The following C2CD2 variants were observed in gnomAD, a reference collection of about 807,000 sequenced individuals.
The protein encoded by C2CD2 is C2 domain-containing protein 2.
Under a neutral mutation model 74.3 loss-of-function variants are expected in C2CD2, and 43 were observed. The observed-to-expected ratio is 0.58, with a 90% CI of 0.45 to 0.75. The LOEUF is 0.75. Ranked by LOEUF, C2CD2 falls within the 30% of genes least tolerant of loss-of-function variation. C2CD2 has a pLI of 0.00. For synonymous variants in C2CD2, 422 were observed against 390.7 expected (o/e 1.08, Z -0.94); for missense variants, 801 against 916.3 (o/e 0.87, Z 1.63).
Position 41,932,472 on chromosome 21 carries a change from C to T in C2CD2, c.378+9675G>A, listed in dbSNP as rs987774915. ...GATAGTCAGAAGAACGGGGGCAACC[C>T]GGAGCTTACGCCTGGTGTCTGAAGT... On this transcript the variant is annotated intron_variant, in intron 2 of 13. Transcript: ENST00000380486. Among the ~76,000 whole-genome samples the T allele has an allele frequency of 1.9e-4, 29 of 150,676 alleles. 1 individual carries two copies. Among genetic ancestry groups the T allele is most frequent in the African/African-American group, 4.1e-4 (17 of 41,460 alleles).
Position 41,926,324 on chromosome 21 carries a change from T to C in C2CD2, c.379-4239A>G. 1 of 291,820 alleles carries C rather than the reference T, an allele frequency of 3.4e-6. No homozygotes were observed. The highest frequency in any genetic ancestry group is 5.1e-6 in the Non-Finnish European group (1 of 195,752). 18.1% of individuals were successfully genotyped at this position (291,820 alleles called of 1,614,324 possible). ...ATAAACAGCTTCCTCTCTGTATAAG[T>C]GACAGAGTGTTTTTCGGAGTGGGGG... On this transcript the variant is annotated intron_variant, in intron 2 of 13. Transcript: ENST00000380486. This position sits in a 1 kb window ranked among gnomAD's most constrained non-coding sequence, Gnocchi z 8.0.
rs1483610689 is a variant in C2CD2, at chr21:41,936,473, C to T, written c.378+5674G>A. 2.6e-5 allele frequency among the ~76,000 whole-genome samples: 4 copies of T among 152,134 alleles called. No individual in the cohort carries two copies. The East Asian group carries it at 7.7e-4, about 29-fold the overall frequency. ...TGGTAAGGATGTGGAGAAAAGGGAACCCTTGTATGCTGTTGGTGACAATGT... is the reference window on the plus strand; with the variant it reads ...TGGTAAGGATGTGGAGAAAAGGGAATCCTTGTATGCTGTTGGTGACAATGT... On this transcript the variant is annotated intron_variant, in intron 2 of 13. Coordinates refer to ENST00000380486, the MANE Select transcript of C2CD2 (RefSeq NM_015500.2).
chr21:41,912,430 A>G lies in C2CD2; in HGVS notation c.855T>C (p.Asn285=), dbSNP rs1213994614. The stretch of plus-strand genomic sequence containing the variant: ...CGTTCAGCTGCACGACGCACACTGC[A>G]TTAATGTGGCCTGTAATTAAATAGA... ...LSEPGASGHI[N]AVCVVQLNDP... Residue 285 remains asparagine (N), a synonymous_variant, in exon 7 of 14, where the codon AAT becomes AAC. Transcript: ENST00000380486. The G allele has an allele frequency of 4.4e-6, 7 of 1,602,868 alleles. No individual in the cohort carries two copies. Among genetic ancestry groups the G allele is most frequent in the African/African-American group, 1.3e-5 (1 of 74,408 alleles).
chr21:41,907,303 C>A (rs2064974803), intron 9 of C2CD2, 137 bp from the exon 10 acceptor site: 1 of 723,254 alleles, frequency 1.4e-6, no homozygotes, highest in Admixed American at 2.4e-5. Context: ...CTCCAATTAA[C>A]CTGGATATTC....
At position 41,889,039 on chromosome 21, in the gene C2CD2, A is replaced by G; in HGVS notation, c.*85T>C. 4 of 972,486 alleles carry G rather than the reference A, an allele frequency of 4.1e-6. No homozygotes were observed. In the Admixed American group the frequency reaches 7.7e-5, roughly 19 times the overall value. The allele number at this position is 972,486 out of a possible 1,614,324, so 60.2% of individuals were successfully genotyped here. ...AGCAAGACAAGCGGGGCATCTGGAC[A>G]TCCGGCGGACACACTGGCTGCGTCC... On this transcript the variant is annotated 3_prime_UTR_variant, in exon 14 of 14. Coordinates refer to ENST00000380486, the MANE Select transcript of C2CD2 (RefSeq NM_015500.2).
At chr21:41,919,137 C>G in intron 3 of C2CD2, 177 bp from the exon 4 acceptor site, 1 of 606,596 alleles carries the variant, frequency 1.6e-6, no homozygotes, top group Admixed American at 2.7e-5. Context: ...TGCATATGAG[C>G]ATGTGTGCTC....
At chr21:41,915,884 G>C (rs1012847332) in intron 5 of C2CD2, among the ~76,000 whole-genome samples, 2 of 152,148 alleles carry the variant, frequency 1.3e-5, no homozygotes, top group Admixed American at 1.3e-4. Flanking sequence ...AGCATTCAGG[G>C]ACCCAGACGG....
chr21:41,947,559 A>G (rs1170273248), intron 1 of C2CD2, among the ~76,000 whole-genome samples: 1 of 152,230 alleles, frequency 6.6e-6, no homozygotes, highest in African/African-American at 2.4e-5. Flanking sequence ...AGCTGTGGTT[A>G]TGCAAGGTTG....
chr21:41,922,089 G>T lies in C2CD2; in HGVS notation c.379-4C>A, dbSNP rs1427003274. 3 of 1,581,384 alleles carry T rather than the reference G, an allele frequency of 1.9e-6. No individual in the cohort carries two copies. Among genetic ancestry groups the T allele is most frequent in the Non-Finnish European group, 2.6e-6 (3 of 1,150,364 alleles). On this transcript the variant is annotated splice_polypyrimidine_tract_variant and splice_region_variant and intron_variant, in intron 2 of 13. Coordinates refer to ENST00000380486, the MANE Select transcript of C2CD2 (RefSeq NM_015500.2). ...CCACCACGTGACAGACCACCACCTG[G>T]AGGAGGCACAGGTAAGGGAGAAAAC...
rs369422328 is a variant in C2CD2, at chr21:41,944,521, C to CAAAA, written c.280-2280_280-2277dup. On this transcript the variant is annotated intron_variant, in intron 1 of 13. Transcript: ENST00000380486. ...TGGGCGACAGAGCGAGACTCTGCCT[C>CAAAA]AAAAAAAAAAAAAAAAAAAAAGAAA... 1.4e-3 allele frequency among the ~76,000 whole-genome samples: 136 copies of CAAAA among 97,800 alleles called. 1 individual carries two copies. The highest frequency in any genetic ancestry group is 1.9e-3 in the South Asian group (5 of 2,622). The allele number at this position is 97,800 out of a possible 152,430, so 64.2% of individuals were successfully genotyped here. A position where few individuals can be genotyped will look rare whatever the true frequency, so the allele number is the denominator to read the frequency against.
At chr21:41,897,324 G>A (rs536038576) in intron 13 of C2CD2, among the ~76,000 whole-genome samples, 19 of 152,256 alleles carry the variant, frequency 1.2e-4, no homozygotes, top group South Asian at 1.0e-3. Context: ...AAGAGGAAAC[G>A]GGCCATCCAG....
rs1334701871 is a variant in C2CD2, at chr21:41,886,141, AC to A, written c.*2982del. 1 of 152,226 alleles carries A rather than the reference AC, an allele frequency of 6.6e-6. No homozygotes were observed. Among genetic ancestry groups the A allele is most frequent in the Non-Finnish European group, 1.5e-5 (1 of 68,042 alleles). 9.4% of individuals were successfully genotyped at this position (152,226 alleles called of 1,614,324 possible). On this transcript the variant is annotated 3_prime_UTR_variant, in exon 14 of 14. Transcript: ENST00000380486. Reference sequence around the variant, plus strand: ...CAAGCTCATTAAAACCAACATGAGCACCCAGTTCCAGAGATACAGACACAAT... The same window carrying A: ...CAAGCTCATTAAAACCAACATGAGCACCAGTTCCAGAGATACAGACACAAT...
chr21:41,936,844 C>A (rs1269825478), intron 2 of C2CD2, among the ~76,000 whole-genome samples: 1 of 124,436 alleles, frequency 8.0e-6, no homozygotes, highest in African/African-American at 3.2e-5. Flanking sequence ...TTTTGAGACG[C>A]AGTCTTGCTC....
Position 41,929,067 on chromosome 21 carries a change from T to A in C2CD2, c.379-6982A>T, listed in dbSNP as rs1395663340. The stretch of plus-strand genomic sequence containing the variant: ...GAGTTTAAAATGAGCCTGGGCAATA[T>A]AGTGAGATCCCACCTCTAAAAAATA... On this transcript the variant is annotated intron_variant, in intron 2 of 13. Transcript: ENST00000380486. The surrounding 1 kb of genome is among the most constrained non-coding windows in gnomAD (Gnocchi z 4.6). 6.6e-6 allele frequency among the ~76,000 whole-genome samples: 1 copy of A among 150,556 alleles called. No homozygotes were observed.
intron 2 of C2CD2, among the ~76,000 whole-genome samples, chr21:41,936,907 C>T (rs537815272): frequency 6.6e-6 from 1 of 150,664 alleles, no homozygotes; most frequent in African/African-American, 2.5e-5. Flanking sequence ...CAACATCCAC[C>T]TCCTGGGTTC....
intron 7 of C2CD2, among the ~76,000 whole-genome samples, chr21:41,910,561 A>C (rs960014429): frequency 1.3e-5 from 2 of 152,072 alleles, no homozygotes; most frequent in African/African-American, 2.4e-5. Context: ...GCATGACTTT[A>C]CTTATTTCTG....
intron 1 of C2CD2, among the ~76,000 whole-genome samples, chr21:41,948,529 G>A (rs946584818): frequency 6.6e-6 from 1 of 152,180 alleles, no homozygotes; most frequent in African/African-American, 2.4e-5. Flanking sequence ...CCGTGGGAAG[G>A]CCCACACAGG....
chr21:41,935,242 A>C (rs563916376), intron 2 of C2CD2, among the ~76,000 whole-genome samples: 1 of 152,316 alleles, frequency 6.6e-6, no homozygotes, highest in South Asian at 2.1e-4. Flanking sequence ...TTTTAGTAAC[A>C]TGGGGGAAAG....
chr21:41,928,437 C>A (rs936176535), intron 2 of C2CD2, among the ~76,000 whole-genome samples: 1 of 151,858 alleles, frequency 6.6e-6, no homozygotes, highest in Non-Finnish European at 1.5e-5. Context: ...CTCCACCACC[C>A]GCCCTAGGAA....
Sources: gnomAD v4.1 joint callset for allele counts (sites outside exome capture counted in the v4.1 genomes callset) on GRCh38, gnomAD v4.1.1 for gene constraint, Gnocchi (gnomAD v3.1) non-coding constraint, MANE v1.5 for transcripts, NCBI Gene and HGNC (gene_info 2026-07-23, HGNC 2026-07-21) for gene names.